SAMD9: variants seen among roughly 807,000 people sequenced by gnomAD.
SAMD9 encodes the protein sterile alpha motif domain containing 9, also known as sterile alpha motif domain-containing protein 9.
SAMD9 carries 3 observed loss-of-function variants against 1.5 expected under a neutral mutation model. That is an observed-to-expected ratio of 2.05 (90% CI 0.93 to 5.29). The LOEUF (loss-of-function observed/expected upper bound fraction) is 5.29. Among genes scored for constraint, SAMD9 ranks in the 30% most tolerant of loss-of-function variants. The pLI is 0.02. For missense variants in SAMD9, 1,597 were observed against 1,820.8 expected (o/e 0.88, Z 2.24); for synonymous variants, 635 against 631.9 (o/e 1.00, Z -0.07).
chr7:93,104,852 C>T lies in SAMD9; in HGVS notation c.1246G>A (p.Val416Ile). The T allele has an allele frequency of 6.2e-7, 1 of 1,613,556 alleles. No individual in the cohort carries two copies. The highest frequency in any genetic ancestry group is 8.5e-7 in the Non-Finnish European group (1 of 1,179,764). Reference protein sequence around the residue: ...DNSYYEQYILVTNKCHPDQTK... With the variant: ...DNSYYEQYILITNKCHPDQTK... Reference sequence around the variant, plus strand: ...TGATCTGGGTGGCATTTATTTGTTACAAGAATGTACTGTTCATAGTATGAA... The same window carrying T: ...TGATCTGGGTGGCATTTATTTGTTATAAGAATGTACTGTTCATAGTATGAA... Residue 416 changes from valine to isoleucine, a missense_variant, in exon 3 of 3, where the codon GTA becomes ATA. By Grantham distance (29) the Val-to-Ile change is conservative. Coordinates refer to ENST00000379958, the MANE Select transcript of SAMD9 (RefSeq NM_017654.4).
chr7:93,106,492 GA>G (rs1232988256), intron 2 of SAMD9, among the ~76,000 whole-genome samples: 1 of 151,916 alleles, frequency 6.6e-6, no homozygotes, highest in East Asian at 1.9e-4. Flanking sequence ...GAAAATAAGA[GA>G]AAAAAGAAGG....
chr7:93,100,080 A>G lies in SAMD9; in HGVS notation c.*1248T>C, dbSNP rs117125241. 4.3e-4 allele frequency: 65 copies of G among 152,238 alleles called. 1 individual carries two copies. In the East Asian group the frequency reaches 9.5e-3, roughly 22 times the overall value. 9.4% of individuals were successfully genotyped at this position (152,238 alleles called of 1,614,324 possible). A position where few individuals can be genotyped will look rare whatever the true frequency, so the allele number is the denominator to read the frequency against. On this transcript the variant is annotated 3_prime_UTR_variant, in exon 3 of 3. Transcript: ENST00000379958. ...TTAGTTGTTAAGTCCCTTATAATGTATAGATTCCCCAACATTTTTTTGGTC... is the reference window on the plus strand; with the variant it reads ...TTAGTTGTTAAGTCCCTTATAATGTGTAGATTCCCCAACATTTTTTTGGTC...
chr7:93,107,322 G>A (rs76581651), intron 2 of SAMD9, among the ~76,000 whole-genome samples: 1 of 152,104 alleles, frequency 6.6e-6, no homozygotes, highest in Non-Finnish European at 1.5e-5. Context: ...GAACTTGTTG[G>A]CTACTGTTGT....
intron 2 of SAMD9, among the ~76,000 whole-genome samples, chr7:93,111,765 T>C (rs1333980871): frequency 6.6e-6 from 1 of 152,146 alleles, no homozygotes; most frequent in Non-Finnish European, 1.5e-5. Flanking sequence ...CAGGAAGAAG[T>C]TGAATCCCTG....
rs527335660 is a variant in SAMD9 at position 93,103,010 on chromosome 7, C to G, written c.3088G>C (p.Asp1030His). 6.2e-7 allele frequency: 1 copy of G among 1,613,784 alleles called. No individual in the cohort carries two copies. The highest frequency in any genetic ancestry group is 1.1e-5 in the South Asian group (1 of 91,078). The change falls in exon 3 of 3, where the codon GAT becomes CAT. Residue 1030 changes from aspartate to histidine, a missense_variant. Physicochemically the swap from Asp to His is moderately conservative, Grantham distance 81. Transcript: ENST00000379958. ...CTTGTGAGTAGGAGTGTGTGCATAT[C>G]TTGCAAAAATTTACTTTTTCCCATA... ...TGMGKSKFLQ[D>H]MHTLLLTRHR...
chr7:93,101,880 C>A lies in SAMD9; in HGVS notation c.4218G>T (p.Lys1406Asn), dbSNP rs1311368609. 1 of 1,613,678 alleles carries A rather than the reference C, an allele frequency of 6.2e-7. No homozygotes were observed. Among genetic ancestry groups the A allele is most frequent in the Admixed American group, 1.7e-5 (1 of 59,982 alleles). ...SCIQPTSRLV[K>N]PVEKLKDQLR... is the part of the protein sequence containing the mutation. The stretch of plus-strand genomic sequence containing the variant: ...GCTGATCTTTTAGTTTTTCAACTGG[C>A]TTTACTAATCTGGAGGTAGGTTGGA... The change falls in exon 3 of 3, where the codon AAG becomes AAT. Residue 1406 changes from lysine to asparagine, a missense_variant. Physicochemically the swap from Lys to Asn is moderately conservative, Grantham distance 94. Around this residue, in one of 6 missense-constraint regions of SAMD9, gnomAD observed 682 missense variants for 810.0 expected, o/e 0.84. Coordinates refer to ENST00000379958, the MANE Select transcript of SAMD9 (RefSeq NM_017654.4).
Position 93,101,836 on chromosome 7 carries a change from G to A in SAMD9, c.4262C>T (p.Pro1421Leu), listed in dbSNP as rs757068675. The A allele has an allele frequency of 6.2e-6, 10 of 1,613,656 alleles. No individual in the cohort carries two copies. The South Asian group carries it at 1.1e-4, about 18-fold the overall frequency. Residue 1421 changes from proline to leucine, a missense_variant, in exon 3 of 3, where the codon CCA becomes CTA. This residue lies in a region of SAMD9 where 682 missense variants were observed against 810.0 expected (regional missense o/e 0.84). Coordinates refer to ENST00000379958, the MANE Select transcript of SAMD9 (RefSeq NM_017654.4). Reference protein sequence around the residue: ...LKDQLREVLQPIGLTYQFSEP... With the variant: ...LKDQLREVLQLIGLTYQFSEP... Reference sequence around the variant, plus strand: ...TGAAAACTGATAAGTCAGTCCTATTGGTTGCAAGACTTCTCGAAGCTGATC... The same window carrying A: ...TGAAAACTGATAAGTCAGTCCTATTAGTTGCAAGACTTCTCGAAGCTGATC...
At position 93,100,395 on chromosome 7, in the gene SAMD9, A is replaced by G. The variant is rs1380740397; in HGVS notation, c.*933T>C. 1 of 152,194 alleles carries G rather than the reference A, an allele frequency of 6.6e-6. No individual in the cohort carries two copies. Among genetic ancestry groups the G allele is most frequent in the East Asian group, 1.9e-4 (1 of 5,202 alleles). 9.4% of individuals were successfully genotyped at this position (152,194 alleles called of 1,614,324 possible). A position where few individuals can be genotyped will look rare whatever the true frequency, so the allele number is the denominator to read the frequency against. ...GTTAATATTTATCAGGATTTGGGAC[A>G]GTTTGATAAATCCATTAGAAATTTT... is the stretch of plus-strand genomic sequence containing the variant. On this transcript the variant is annotated 3_prime_UTR_variant, in exon 3 of 3. Coordinates refer to ENST00000379958, the MANE Select transcript of SAMD9 (RefSeq NM_017654.4).
chr7:93,116,795 C>T (rs1255208939), intron 1 of SAMD9, among the ~76,000 whole-genome samples: 3 of 152,054 alleles, frequency 2.0e-5, no homozygotes, highest in African/African-American at 4.8e-5. Context: ...GTTTTGATTC[C>T]GTATACTTTA....
In SAMD9 at chr7:93,099,567, C is replaced by T. The variant is rs920113372; in HGVS notation, c.*1761G>A. On this transcript the variant is annotated 3_prime_UTR_variant, in exon 3 of 3. Coordinates refer to ENST00000379958, the MANE Select transcript of SAMD9 (RefSeq NM_017654.4). ...TTAGAAAGTAACAATAAAGAGTGAG[C>T]TTATAAGTTATGGAGTTAAAATTTT... The T allele has an allele frequency of 8.5e-5, 13 of 152,056 alleles. No individual in the cohort carries two copies. The highest frequency in any genetic ancestry group is 1.8e-4 in the Non-Finnish European group (12 of 68,010). 9.4% of individuals were successfully genotyped at this position (152,056 alleles called of 1,614,324 possible). A position where few individuals can be genotyped will look rare whatever the true frequency, so the allele number is the denominator to read the frequency against.
Position 93,105,251 on chromosome 7 carries a change from A to G in SAMD9, c.847T>C (p.Cys283Arg), listed in dbSNP as rs147441374. 1.4e-4 allele frequency: 226 copies of G among 1,613,784 alleles called. No individual in the cohort carries two copies. Among genetic ancestry groups the G allele is most frequent in the Non-Finnish European group, 1.9e-4 (223 of 1,179,980 alleles). The change falls in exon 3 of 3, where the codon TGC (cysteine) becomes CGC (arginine). Residue 283 changes from cysteine (C) to arginine (R), a missense_variant. Cys to Arg is a radical substitution (Grantham distance 180, BLOSUM62 -3). Around this residue, in one of 6 missense-constraint regions of SAMD9, gnomAD observed 498 missense variants for 457.4 expected, o/e 1.09. Coordinates refer to ENST00000379958, the MANE Select transcript of SAMD9 (RefSeq NM_017654.4). ...TCCACAAATCTTGGCTCTCGAATGC[A>G]CTTCTTTGCTTGTTGGACTTGATGG... Reference protein sequence around the residue: ...EDHQVQQAKKCIREPRFVEVL... With the variant: ...EDHQVQQAKKRIREPRFVEVL...
In SAMD9 at chr7:93,114,779, A is replaced by T. The variant is rs1347417719; in HGVS notation, c.-9+16T>A. The T allele has an allele frequency of 6.6e-6, 1 of 152,220 alleles. No homozygotes were observed. Among genetic ancestry groups the T allele is most frequent in the African/African-American group, 2.4e-5 (1 of 41,452 alleles). 9.4% of individuals were successfully genotyped at this position (152,220 alleles called of 1,614,324 possible). A position where few individuals can be genotyped will look rare whatever the true frequency, so the allele number is the denominator to read the frequency against. The stretch of plus-strand genomic sequence containing the variant: ...ACTGAGATTAATTGAGCAAATTCTT[A>T]AAAAATATAGCTTACCAAACTGACT... On this transcript the variant is annotated intron_variant, in intron 2 of 2. Transcript: ENST00000379958.
At position 93,105,331 on chromosome 7, in the gene SAMD9, G is replaced by A; in HGVS notation, c.767C>T (p.Thr256Ile). The A allele has an allele frequency of 1.9e-6, 3 of 1,613,872 alleles. No homozygotes were observed. Among genetic ancestry groups the A allele is most frequent in the Non-Finnish European group, 1.7e-6 (2 of 1,179,972 alleles). The change falls in exon 3 of 3, where the codon ACC (threonine) becomes ATC (isoleucine). Residue 256 changes from threonine (T) to isoleucine (I), a missense_variant. By Grantham distance (89) the Thr-to-Ile change is moderately conservative. Around this residue, in one of 6 missense-constraint regions of SAMD9, gnomAD observed 498 missense variants for 457.4 expected, o/e 1.09. Transcript: ENST00000379958. ...GAAATGGTTAATGAGGGCTTCCTTG[G>A]TATCATTGGTGACTTTGATGCCAAC... ...KIVGIKVTND[T>I]KEALINHFNL...
chr7:93,107,763 C>T (rs1351561209), intron 2 of SAMD9, among the ~76,000 whole-genome samples: 2 of 152,088 alleles, frequency 1.3e-5, no homozygotes, highest in Non-Finnish European at 2.9e-5. Flanking sequence ...TTATTTTTTT[C>T]ATATGTAACT....
In SAMD9 at chr7:93,106,101, G is replaced by A; in HGVS notation, c.-4C>T. ...GAAGGTTAAGTTGCTTTGCCATTCT[G>A]ATACCTATATGTAGAAAAAGAAAAA... On this transcript the variant is annotated 5_prime_UTR_variant, in exon 3 of 3. Coordinates refer to ENST00000379958, the MANE Select transcript of SAMD9 (RefSeq NM_017654.4). The A allele has an allele frequency of 1.3e-6, 2 of 1,582,094 alleles. No homozygotes were observed.
At position 93,101,909 on chromosome 7, in the gene SAMD9, AG is replaced by A. The variant is rs753539124; in HGVS notation, c.4188del (p.Cys1397ValfsTer8). On this transcript the variant is annotated frameshift_variant, in exon 3 of 3. Transcript: ENST00000379958. LOFTEE classifies it low-confidence loss of function (END_TRUNC). ...LNFILANIIL[S>X]CIQPTSRLVK... The stretch of plus-strand genomic sequence containing the variant: ...ACTAATCTGGAGGTAGGTTGGATAC[AG>A]GAGAGAATAATGTTGGCCAAGATGA... 1.2e-6 allele frequency: 2 copies of A among 1,613,900 alleles called. No homozygotes were observed. Among genetic ancestry groups the A allele is most frequent in the Non-Finnish European group, 1.7e-6 (2 of 1,179,788 alleles).
At chr7:93,107,834 C>A (rs1453863964) in intron 2 of SAMD9, among the ~76,000 whole-genome samples, 1 of 152,066 alleles carries the variant, frequency 6.6e-6, no homozygotes, top group Non-Finnish European at 1.5e-5. Flanking sequence ...TCAAAATAGG[C>A]AAAGATAGGC....
intron 2 of SAMD9, among the ~76,000 whole-genome samples, chr7:93,111,276 A>G (rs1307944856): frequency 6.6e-6 from 1 of 152,234 alleles, no homozygotes; most frequent in African/African-American, 2.4e-5. Context: ...AAGACACAAC[A>G]TACCAGAATC....
At position 93,103,219 on chromosome 7, in the gene SAMD9, A is replaced by G; in HGVS notation, c.2879T>C (p.Met960Thr). 6.2e-7 allele frequency: 1 copy of G among 1,613,782 alleles called. No individual in the cohort carries two copies. The highest frequency in any genetic ancestry group is 8.5e-7 in the Non-Finnish European group (1 of 1,179,746). Residue 960 changes from methionine to threonine, a missense_variant, in exon 3 of 3, where the codon ATG (methionine) becomes ACG (threonine). Transcript: ENST00000379958. ...FWGTEKFEDK[M>T]GTYSTILIKT... ...TATCAGAATTGTAGAGTAGGTGCCC[A>G]TCTTGTCTTCAAATTTTTCTGTCCC...
Sources: gnomAD v4.1 joint callset for allele counts (sites outside exome capture counted in the v4.1 genomes callset) on GRCh38, gnomAD v4.1.1 for gene constraint, gnomAD v4.1.1 regional missense constraint, MANE v1.5 for transcripts, NCBI Gene and HGNC (gene_info 2026-07-23, HGNC 2026-07-21) for gene names.